MYO5A: variants seen among roughly 807,000 people sequenced by gnomAD.
The protein encoded by MYO5A is myosin VA, also known as unconventional myosin-Va.
A neutral mutation model predicts 249.7 loss-of-function variants in MYO5A; 98 were observed. That is an observed-to-expected ratio of 0.39 (90% CI 0.33 to 0.46). MYO5A has a LOEUF of 0.46. MYO5A is among the 20% of genes least tolerant of loss of function. MYO5A has a pLI of 0.98. For synonymous variants in MYO5A, 778 were observed against 810.6 expected, an observed-to-expected ratio of 0.96 and a Z score of 0.68; for missense variants, 1,696 against 2,308.8, an observed-to-expected ratio of 0.73 and a Z score of 5.44.
chr15:52,457,140 C>T (rs1324544435), intron 1 of MYO5A, among the ~76,000 whole-genome samples: 2 of 152,032 alleles, frequency 1.3e-5, no homozygotes, highest in Non-Finnish European at 2.9e-5. Context: ...CAAATAATCT[C>T]ATTAAAAAGT....
chr15:52,517,151 G>C (rs905626792), intron 1 of MYO5A, among the ~76,000 whole-genome samples: 1 of 152,178 alleles, frequency 6.6e-6, no homozygotes, highest in Non-Finnish European at 1.5e-5. Flanking sequence ...CTATCCCTCA[G>C]GCAATGCACA....
chr15:52,456,293 A>G (rs1484599917), intron 1 of MYO5A, among the ~76,000 whole-genome samples: 1 of 152,150 alleles, frequency 6.6e-6, no homozygotes, highest in African/African-American at 2.4e-5. Flanking sequence ...CTATAAAAAC[A>G]CTGATGAAAG....
In MYO5A at chr15:52,501,147, A is replaced by T. The variant is rs577804090; in HGVS notation, c.27+27633T>A. Among the ~76,000 whole-genome samples the T allele has an allele frequency of 1.7e-4, 26 of 151,666 alleles. No individual in the cohort carries two copies. The South Asian group carries it at 3.5e-3, about 21-fold the overall frequency. ...ACCAGGCCCGGCTAATTTTTTTTGT[A>T]TTTTTAGTAGAGATGGGGATTTACC... On this transcript the variant is annotated intron_variant, in intron 1 of 41. Coordinates refer to ENST00000399233, the MANE Select transcript of MYO5A (RefSeq NM_001382347.1).
chr15:52,512,460 C>T (rs551007387), intron 1 of MYO5A, among the ~76,000 whole-genome samples: 1 of 151,516 alleles, frequency 6.6e-6, no homozygotes, highest in Admixed American at 6.6e-5. Flanking sequence ...CATGGGAAAA[C>T]CTTCACAATA....
At chr15:52,414,321 A>T (rs1054312356) in intron 5 of MYO5A, among the ~76,000 whole-genome samples, 4 of 152,140 alleles carry the variant, frequency 2.6e-5, no homozygotes, top group Non-Finnish European at 2.9e-5. Context: ...GAGCTAAATA[A>T]ATCTCTTTCT....
chr15:52,352,091 T>G (rs768217075), intron 27 of MYO5A, among the ~76,000 whole-genome samples: 3 of 152,246 alleles, frequency 2.0e-5, no homozygotes, highest in Non-Finnish European at 4.4e-5. Flanking sequence ...CTTGTGACAT[T>G]GTGGGCAGAG....
Position 52,495,203 on chromosome 15 carries a change from T to C in MYO5A, c.27+33577A>G, listed in dbSNP as rs576807462. On this transcript the variant is annotated intron_variant, in intron 1 of 41. Transcript: ENST00000399233. ...GAAAATGTACTATACATATACACAA[T>C]AGAATACTACTAATCAGCCTTAGAA... Among the ~76,000 whole-genome samples, 4 of 152,252 alleles carry C rather than the reference T, an allele frequency of 2.6e-5. No individual in the cohort carries two copies. In the South Asian group the frequency reaches 6.2e-4, roughly 24 times the overall value.
Position 52,493,866 on chromosome 15 carries a change from T to TG in MYO5A, c.27+34913_27+34914insC, listed in dbSNP as rs1420777740. On this transcript the variant is annotated intron_variant, in intron 1 of 41. Coordinates refer to ENST00000399233, the MANE Select transcript of MYO5A (RefSeq NM_001382347.1). ...GTGAGGGAAATATAGGAAAAGTATA[T>TG]TCTTTATCTGAAACTATAATCTGTA... Among the ~76,000 whole-genome samples, 70 of 152,306 alleles carry TG rather than the reference T, an allele frequency of 4.6e-4. 1 individual carries two copies. The highest frequency in any genetic ancestry group is 1.5e-3 in the African/African-American group (64 of 41,572).
chr15:52,475,791 G>A (rs1406727408), intron 1 of MYO5A, among the ~76,000 whole-genome samples: 1 of 152,176 alleles, frequency 6.6e-6, no homozygotes, highest in Non-Finnish European at 1.5e-5. Flanking sequence ...ATTTGCTGAG[G>A]AGTGCTTTAC....
intron 27 of MYO5A, among the ~76,000 whole-genome samples, chr15:52,352,111 G>A (rs1365576016): frequency 6.6e-6 from 1 of 152,298 alleles, no homozygotes; most frequent in East Asian, 1.9e-4. Context: ...GCCTTGGGAG[G>A]CAGGAGGCAA....
chr15:52,497,073 C>T (rs2141563504), intron 1 of MYO5A, among the ~76,000 whole-genome samples: 1 of 152,306 alleles, frequency 6.6e-6, no homozygotes, highest in East Asian at 1.9e-4. Context: ...GCGATTCTCC[C>T]ACCTCAGCCT....
intron 40 of MYO5A, 129 bp downstream of exon 40, chr15:52,316,919 C>T: frequency 1.0e-6 from 1 of 968,926 alleles, no homozygotes; most frequent in African/African-American, 1.6e-5. Flanking sequence ...TTGGTAGAGG[C>T]ATATATCTTC....
rs559378894 is a variant in MYO5A at position 52,440,299 on chromosome 15, G to A, written c.28-7014C>T. Among the ~76,000 whole-genome samples, 29 of 149,008 alleles carry A rather than the reference G, an allele frequency of 1.9e-4. No homozygotes were observed. The East Asian group carries it at 4.9e-3, about 25-fold the overall frequency. ...TTTTTTTTTTCTGAGATGGAGTCTCGCTCTGTTGCCCAGGCTGGAGTGCAG... is the reference window on the plus strand; with the variant it reads ...TTTTTTTTTTCTGAGATGGAGTCTCACTCTGTTGCCCAGGCTGGAGTGCAG... On this transcript the variant is annotated intron_variant, in intron 1 of 41. Coordinates refer to ENST00000399233, the MANE Select transcript of MYO5A (RefSeq NM_001382347.1).
At chr15:52,388,325 T>C (rs538123154) in intron 13 of MYO5A, among the ~76,000 whole-genome samples, 1 of 152,254 alleles carries the variant, frequency 6.6e-6, no homozygotes, top group African/African-American at 2.4e-5. Flanking sequence ...AACAAATGAG[T>C]GTCTGATGGG....
chr15:52,420,316 A>C (rs1193732790), intron 4 of MYO5A, among the ~76,000 whole-genome samples: 1 of 151,996 alleles, frequency 6.6e-6, no homozygotes, highest in African/African-American at 2.4e-5. Context: ...CAAAAAAAAA[A>C]AAAAAAGGTG....
intron 5 of MYO5A, 137 bp from the exon 6 acceptor site, chr15:52,410,613 A>T (rs1363756307): frequency 1.6e-4 from 123 of 789,576 alleles, no homozygotes; most frequent in Non-Finnish European, 1.8e-5. Context: ...TTTGAGACAG[A>T]GTCTTGCTCT....
intron 29 of MYO5A, among the ~76,000 whole-genome samples, chr15:52,348,260 TA>T (rs2039746501): frequency 6.6e-6 from 1 of 152,150 alleles, no homozygotes; most frequent in African/African-American, 2.4e-5. Flanking sequence ...AGGGTTGTGC[TA>T]TATAGGAAAA....
intron 24 of MYO5A, among the ~76,000 whole-genome samples, chr15:52,362,243 C>A (rs2040569589): frequency 6.6e-6 from 1 of 152,172 alleles, no homozygotes. Context: ...GTATCAAGTC[C>A]CCTCCCTAGA....
Position 52,423,003 on chromosome 15 carries a change from G to C in MYO5A, c.455+2827C>G, listed in dbSNP as rs148975239. On this transcript the variant is annotated intron_variant, in intron 4 of 41. Transcript: ENST00000399233. Reference sequence around the variant, plus strand: ...AGGCTTAAGTGATCGGCCTACAGACGTGCGCCACCATGCCCAGCTAATAGT... The same window carrying C: ...AGGCTTAAGTGATCGGCCTACAGACCTGCGCCACCATGCCCAGCTAATAGT... 4.7e-3 allele frequency among the ~76,000 whole-genome samples: 723 copies of C among 152,238 alleles called. 2 individuals carry two copies. The highest frequency in any genetic ancestry group is 0.014 in the South Asian group (66 of 4,820).
Sources: gnomAD v4.1 joint callset for allele counts (sites outside exome capture counted in the v4.1 genomes callset) on GRCh38, gnomAD v4.1.1 for gene constraint, MANE v1.5 for transcripts, NCBI Gene and HGNC (gene_info 2026-07-23, HGNC 2026-07-21) for gene names.